The following CLCA1 variants were observed in gnomAD, a reference collection of about 807,000 sequenced individuals.
CLCA1 encodes calcium-activated chloride channel regulator 1.
In CLCA1, 59 loss-of-function variants were observed where a neutral mutation model predicts 85.6. That is an observed-to-expected ratio of 0.69 (90% CI 0.56 to 0.86). CLCA1 has a LOEUF of 0.86. Among genes scored for constraint, CLCA1 ranks in the 40% least tolerant of loss-of-function variants. CLCA1 has a pLI of 0.00. For missense variants in CLCA1, 1,022 were observed against 1,101.4 expected (o/e 0.93, Z 1.02); for synonymous variants, 396 against 398.3 (o/e 0.99, Z 0.07).
At position 86,499,694 on chromosome 1, in the gene CLCA1, T is replaced by A. The variant is rs1648400580; in HGVS notation, c.2394T>A (p.Asp798Glu). ...TTCGAATAAGTACAAGTATTCTTGA[T>A]CTCAGAGACAAGTTCAATGAATCTC... ...YIIRISTSIL[D>E]LRDKFNESLQ... Residue 798 changes from aspartate (D) to glutamate (E), a missense_variant, in exon 14 of 14, where the codon GAT becomes GAA. Physicochemically the swap from Asp to Glu is conservative, Grantham distance 45. Transcript: ENST00000394711. 5 of 1,601,026 alleles carry A rather than the reference T, an allele frequency of 3.1e-6. No individual in the cohort carries two copies. The highest frequency in any genetic ancestry group is 3.3e-4 in the Middle Eastern group (2 of 6,042).
chr1:86,499,595 C>T, intron 13 of CLCA1, 59 bp from the exon 14 acceptor site: 1 of 1,142,796 alleles, frequency 8.8e-7, no homozygotes. Flanking sequence ...AGCTCTACTG[C>T]TTAAGAAGTT....
At chr1:86,490,305 G>A (rs1265117729) in intron 8 of CLCA1, among the ~76,000 whole-genome samples, 4 of 152,208 alleles carry the variant, frequency 2.6e-5, no homozygotes, top group African/African-American at 4.8e-5. Context: ...GGGGATGTGC[G>A]TGGGGCATCA....
intron 9 of CLCA1, among the ~76,000 whole-genome samples, chr1:86,492,444 G>C (rs1304863160): frequency 6.6e-6 from 1 of 152,136 alleles, no homozygotes; most frequent in Admixed American, 6.6e-5. Context: ...GAGAGAGAGA[G>C]AGAGATGGAG....
chr1:86,476,093 G>A (rs1647629327), intron 3 of CLCA1, among the ~76,000 whole-genome samples: 1 of 152,198 alleles, frequency 6.6e-6, no homozygotes, highest in Admixed American at 6.5e-5. Context: ...GGAATGCCTG[G>A]GCTCCCATAG....
intron 12 of CLCA1, among the ~76,000 whole-genome samples, chr1:86,498,177 A>AGGAAGGAG (rs1558148358): frequency 7.5e-6 from 1 of 133,212 alleles, no homozygotes; most frequent in African/African-American, 2.9e-5. Flanking sequence ...GAAGGAAGGA[A>AGGAAGGAG]GGAAGGAAGG....
intron 5 of CLCA1, among the ~76,000 whole-genome samples, chr1:86,485,075 C>T (rs1647927237): frequency 6.6e-6 from 1 of 151,912 alleles, no homozygotes; most frequent in South Asian, 2.1e-4. Flanking sequence ...GCAGTGATGG[C>T]TTGAAATGGT....
Position 86,498,616 on chromosome 1 carries a change from G to T in CLCA1, c.2158G>T (p.Asp720Tyr). 6.2e-7 allele frequency: 1 copy of T among 1,613,852 alleles called. No individual in the cohort carries two copies. Among genetic ancestry groups the T allele is most frequent in the Non-Finnish European group, 8.5e-7 (1 of 1,179,894 alleles). ...ACCAAGACCTGAAATTAATAAGGAT[G>T]ATGTTCAACACAAGCAAGTGTGTTT... ...NPPRPEINKD[D>Y]VQHKQVCFSR... is the part of the protein sequence containing the mutation. The change falls in exon 13 of 14, where the codon GAT becomes TAT. Residue 720 changes from aspartate to tyrosine, a missense_variant. By Grantham distance (160) the Asp-to-Tyr change is radical. Transcript: ENST00000394711.
intron 1 of CLCA1, among the ~76,000 whole-genome samples, chr1:86,471,034 T>A (rs931828163): frequency 6.7e-6 from 1 of 149,940 alleles, no homozygotes; most frequent in African/African-American, 2.5e-5. Context: ...GAAGGGAGAG[T>A]CAGAGAGAAA....
chr1:86,482,356 A>G lies in CLCA1; in HGVS notation c.709A>G (p.Ile237Val), dbSNP rs1319188729. 1 of 1,614,098 alleles carries G rather than the reference A, an allele frequency of 6.2e-7. No homozygotes were observed. The highest frequency in any genetic ancestry group is 8.5e-7 in the Non-Finnish European group (1 of 1,179,964). Residue 237 changes from isoleucine (I) to valine (V), a missense_variant, in exon 5 of 14, where the codon ATA becomes GTA. Coordinates refer to ENST00000394711, the MANE Select transcript of CLCA1 (RefSeq NM_001285.4). ...ATCCCGCCAGACGGAGAAGGCTTCT[A>G]TAATGTTTGCACAACATGTTGATTC... is the stretch of plus-strand genomic sequence containing the variant. ...LQSRQTEKAS[I>V]MFAQHVDSIV... is the part of the protein sequence containing the mutation.
intron 6 of CLCA1, among the ~76,000 whole-genome samples, chr1:86,486,317 CT>C (rs1237896356): frequency 6.6e-6 from 1 of 152,124 alleles, no homozygotes; most frequent in Admixed American, 6.5e-5. Flanking sequence ...CTGTTTTTAT[CT>C]TTTACTATTT....
rs770442703 is a variant in CLCA1 at position 86,476,601 on chromosome 1, C to T, written c.557+48C>T. The stretch of plus-strand genomic sequence containing the variant: ...TGTTCCAAACTATTTTAAATTGCAA[C>T]CTTTTTTTCTTGAATTGATTACTTT... On this transcript the variant is annotated intron_variant, in intron 4 of 13. Transcript: ENST00000394711. 5 of 927,644 alleles carry T rather than the reference C, an allele frequency of 5.4e-6. No individual in the cohort carries two copies. In the African/African-American group the frequency reaches 8.3e-5, roughly 15 times the overall value. 57.5% of individuals were successfully genotyped at this position (927,644 alleles called of 1,614,324 possible).
chr1:86,470,830 C>A (rs1647480218), intron 1 of CLCA1, among the ~76,000 whole-genome samples: 2 of 152,176 alleles, frequency 1.3e-5, no homozygotes, highest in South Asian at 4.1e-4. Flanking sequence ...CTCCAACAAC[C>A]TTCTTGCTGA....
At chr1:86,479,652 G>A (rs1246712499) in intron 4 of CLCA1, among the ~76,000 whole-genome samples, 7 of 152,118 alleles carry the variant, frequency 4.6e-5, no homozygotes, top group African/African-American at 1.2e-4. Flanking sequence ...TTAGGAGGCC[G>A]AGGCAGGCAG....
intron 7 of CLCA1, among the ~76,000 whole-genome samples, 185 bp downstream of exon 7, chr1:86,486,938 G>A (rs1442270457): frequency 1.3e-5 from 2 of 152,166 alleles, no homozygotes; most frequent in Admixed American, 6.5e-5. Flanking sequence ...GAAAGGGGCT[G>A]GCAGGCATAA....
chr1:86,498,659 G>A lies in CLCA1; in HGVS notation c.2201G>A (p.Gly734Glu), dbSNP rs1648365107. The change falls in exon 13 of 14, where the codon GGA (glycine) becomes GAA (glutamate). Residue 734 changes from glycine (G) to glutamate (E), a missense_variant. By Grantham distance (98) the Gly-to-Glu change is moderately conservative (BLOSUM62 -2). Transcript: ENST00000394711. ...KQVCFSRTSS[G>E]GSFVASDVPN... ...GTGTGTTTCAGCAGAACATCCTCGG[G>A]AGGCTCATTTGTGGCTTCTGATGTC... The A allele has an allele frequency of 3.1e-6, 5 of 1,613,978 alleles. No individual in the cohort carries two copies. Among genetic ancestry groups the A allele is most frequent in the Non-Finnish European group, 4.2e-6 (5 of 1,179,998 alleles).
At chr1:86,493,820 G>A (rs1210763165) in intron 10 of CLCA1, among the ~76,000 whole-genome samples, 1 of 152,100 alleles carries the variant, frequency 6.6e-6, no homozygotes, top group Non-Finnish European at 1.5e-5. Context: ...GGTACTAAAT[G>A]GAGAACCTTT....
intron 4 of CLCA1, among the ~76,000 whole-genome samples, chr1:86,480,245 G>A (rs1298808747): frequency 1.3e-5 from 2 of 151,562 alleles, no homozygotes; most frequent in African/African-American, 4.8e-5. Flanking sequence ...AAATAAAAAG[G>A]AAAAAACAGA....
chr1:86,478,735 CA>C (rs1209778556), intron 4 of CLCA1, among the ~76,000 whole-genome samples: 3 of 152,202 alleles, frequency 2.0e-5, no homozygotes, highest in African/African-American at 4.8e-5. Context: ...AGTACATATA[CA>C]ACACATTTTT....
At chr1:86,490,324 A>G (rs747199069) in intron 8 of CLCA1, among the ~76,000 whole-genome samples, 18 of 152,220 alleles carry the variant, frequency 1.2e-4, no homozygotes, top group Non-Finnish European at 1.8e-4. Context: ...CAACAGCCTT[A>G]CTGAAATTAT....
Sources: gnomAD v4.1 joint callset for allele counts (sites outside exome capture counted in the v4.1 genomes callset) on GRCh38, gnomAD v4.1.1 for gene constraint, MANE v1.5 for transcripts, NCBI Gene and HGNC (gene_info 2026-07-23, HGNC 2026-07-21) for gene names.